The following CNGA1 variants were observed in gnomAD, a reference collection of about 807,000 sequenced individuals.
CNGA1 encodes the protein cyclic nucleotide gated channel subunit alpha 1.
In CNGA1, 53 loss-of-function variants were observed where a neutral mutation model predicts 69.7. The ratio of observed to expected loss-of-function variants is 0.76; its 90% CI spans 0.61 to 0.96. The LOEUF (loss-of-function observed/expected upper bound fraction) is 0.96, where lower values mean the gene tolerates loss of function less well. Among genes scored for constraint, CNGA1 ranks in the 40% least tolerant of loss-of-function variants. The pLI is 0.00. For synonymous variants in CNGA1, 249 were observed against 283.5 expected (o/e 0.88, Z 1.22); for missense variants, 739 against 811.2 (o/e 0.91, Z 1.08).
intron 6 of CNGA1, among the ~76,000 whole-genome samples, chr4:47,945,111 T>G (rs951773880): frequency 6.6e-6 from 1 of 152,056 alleles, no homozygotes; most frequent in Admixed American, 6.5e-5. Context: ...GGCTATAATC[T>G]CAGCACTTTG....
At chr4:47,967,670 A>G (rs1460143327) in intron 3 of CNGA1, among the ~76,000 whole-genome samples, 1 of 152,210 alleles carries the variant, frequency 6.6e-6, no homozygotes, top group Non-Finnish European at 1.5e-5. Context: ...AAGAACAACT[A>G]GAATATAAAA....
intron 3 of CNGA1, among the ~76,000 whole-genome samples, chr4:47,973,421 A>G (rs923822691): frequency 6.6e-5 from 10 of 152,278 alleles, no homozygotes; most frequent in South Asian, 4.1e-4. Context: ...TATGCAGCTC[A>G]GAGCACTCAC....
At chr4:47,971,060 G>T (rs542778292) in intron 3 of CNGA1, 1 of 454,466 alleles carries the variant, frequency 2.2e-6, no homozygotes, top group African/African-American at 2.0e-5. Context: ...AGCCGAGATC[G>T]CGCCACTGCA....
At chr4:47,956,455 G>C (rs1740093300) in intron 3 of CNGA1, among the ~76,000 whole-genome samples, 1 of 152,208 alleles carries the variant, frequency 6.6e-6, no homozygotes, top group Non-Finnish European at 1.5e-5. Flanking sequence ...TTACAAGAGA[G>C]GAAGAAACTT....
chr4:47,986,736 C>T (rs1224786533), intron 2 of CNGA1, among the ~76,000 whole-genome samples: 1 of 145,858 alleles, frequency 6.9e-6, no homozygotes, highest in Non-Finnish European at 1.5e-5. Context: ...CACAGGCAAA[C>T]AAAAAAATAA....
intron 2 of CNGA1, among the ~76,000 whole-genome samples, chr4:48,007,574 C>T (rs955526885): frequency 6.6e-6 from 1 of 152,062 alleles, no homozygotes; most frequent in Non-Finnish European, 1.5e-5. Context: ...GACTTGGTGT[C>T]CTTTTTAGAC....
chr4:47,964,232 G>A (rs891547937), intron 3 of CNGA1, among the ~76,000 whole-genome samples: 1 of 152,106 alleles, frequency 6.6e-6, no homozygotes, highest in African/African-American at 2.4e-5. Context: ...TATGACTAGG[G>A]AAGGGAGAAT....
At chr4:48,005,130 T>G (rs62300279) in intron 2 of CNGA1, among the ~76,000 whole-genome samples, 1 of 136,612 alleles carries the variant, frequency 7.3e-6, no homozygotes, top group African/African-American at 2.7e-5. Flanking sequence ...ATTTATTTAT[T>G]TATTTGAGAT....
intron 2 of CNGA1, among the ~76,000 whole-genome samples, chr4:48,008,418 T>G (rs1413192937): frequency 6.6e-6 from 1 of 152,192 alleles, no homozygotes; most frequent in East Asian, 1.9e-4. Flanking sequence ...TCCTGGCTCC[T>G]CTTACCTTGT....
At chr4:47,980,341 T>C (rs534116808) in intron 3 of CNGA1, among the ~76,000 whole-genome samples, 1 of 152,320 alleles carries the variant, frequency 6.6e-6, no homozygotes, top group South Asian at 2.1e-4. Context: ...ACTGTTCAAC[T>C]TTCCAATATA....
At chr4:48,003,738 C>A (rs1389479411) in intron 2 of CNGA1, among the ~76,000 whole-genome samples, 1 of 152,080 alleles carries the variant, frequency 6.6e-6, no homozygotes. Flanking sequence ...AGAGTGTGAA[C>A]CTTCTGTTAT....
chr4:47,986,930 C>T (rs189582606), intron 2 of CNGA1, among the ~76,000 whole-genome samples: 170 of 152,182 alleles, frequency 1.1e-3, no homozygotes, highest in Middle Eastern at 3.4e-3. Context: ...AACTTACATA[C>T]TACAATATTT....
chr4:47,974,627 A>C (rs1208917667), intron 3 of CNGA1, among the ~76,000 whole-genome samples: 2 of 152,224 alleles, frequency 1.3e-5, no homozygotes, highest in African/African-American at 4.8e-5. Context: ...TAGCATGGTA[A>C]AAATAAATTT....
intron 5 of CNGA1, 81 bp downstream of exon 5, chr4:47,951,272 T>C: frequency 1.2e-6 from 1 of 868,604 alleles, no homozygotes; most frequent in African/African-American, 1.6e-5. Flanking sequence ...CACCATGATC[T>C]GATTGCAAAA....
intron 2 of CNGA1, among the ~76,000 whole-genome samples, chr4:47,997,225 T>C (rs1369004974): frequency 6.6e-6 from 1 of 152,204 alleles, no homozygotes; most frequent in Non-Finnish European, 1.5e-5. Flanking sequence ...TGACAAATTA[T>C]CTATGTGATA....
intron 2 of CNGA1, among the ~76,000 whole-genome samples, chr4:47,997,731 CT>C (rs1199988139): frequency 1.3e-5 from 2 of 152,144 alleles, no homozygotes; most frequent in East Asian, 3.9e-4. Context: ...TAAATTCCTA[CT>C]TGTACAAACT....
intron 6 of CNGA1, 110 bp downstream of exon 6, chr4:47,949,723 A>G (rs990582329): frequency 2.6e-6 from 2 of 771,872 alleles, no homozygotes; most frequent in African/African-American, 3.5e-5. Context: ...ATTGTATTAG[A>G]TCATTTGATT....
chr4:47,974,085 T>C (rs1260395796), intron 3 of CNGA1, among the ~76,000 whole-genome samples: 1 of 110,914 alleles, frequency 9.0e-6, no homozygotes, highest in Admixed American at 8.0e-5. Context: ...GATAGATAGA[T>C]AGATAGATAG....
chr4:48,000,310 A>G (rs3113879), intron 2 of CNGA1, among the ~76,000 whole-genome samples: 26,637 of 152,082 alleles, frequency 0.18, 2,514 homozygotes, highest in Middle Eastern at 0.24. Flanking sequence ...AATGAACCCC[A>G]AGCAGAATAA....
Sources: gnomAD v4.1 joint callset for allele counts (sites outside exome capture counted in the v4.1 genomes callset) on GRCh38, gnomAD v4.1.1 for gene constraint, MANE v1.5 for transcripts, NCBI Gene and HGNC (gene_info 2026-07-23, HGNC 2026-07-21) for gene names.